Variants in CACNA1C observed in about 807,000 individuals in gnomAD.
The protein encoded by CACNA1C is voltage-dependent L-type calcium channel subunit alpha-1C.
Under a neutral mutation model 229.0 loss-of-function variants are expected in CACNA1C, and 30 were observed. The observed-to-expected ratio is 0.13, with a 90% confidence interval of 0.10 to 0.18. CACNA1C has a LOEUF of 0.18. Ranked by LOEUF, CACNA1C falls within the 10% of genes least tolerant of loss-of-function variation. The probability of loss-of-function intolerance (pLI) is 1.00; values close to 1 mark genes in which losing one functional copy is unlikely to be tolerated. For synonymous variants in CACNA1C, 1,114 were observed against 1,132.5 expected, an observed-to-expected ratio of 0.98 and a Z score of 0.33; for missense variants, 1,658 against 2,845.0, an observed-to-expected ratio of 0.58 and a Z score of 9.49.
At chr12:2,379,605 T>C (rs112086566) in intron 3 of CACNA1C, among the ~76,000 whole-genome samples, 27 of 152,224 alleles carry the variant, frequency 1.8e-4, no homozygotes, top group African/African-American at 6.3e-4. Context: ...CTCATTTTAC[T>C]GGTGAGGAAG....
chr12:2,021,679 TAA>T (rs548606719), intron 1 of CACNA1C, among the ~76,000 whole-genome samples: 1 of 145,064 alleles, frequency 6.9e-6, no homozygotes. Flanking sequence ...AAACTCCATC[TAA>T]AAAAAAAAAG....
At position 2,686,264 on chromosome 12, in the gene CACNA1C, C is replaced by T. The variant is rs750568562; in HGVS notation, c.5779C>T (p.His1927Tyr). ...KTVLPLHLVH[H>Y]QALAVAGLSP... Reference sequence around the variant, plus strand: ...AGTCCTGCCCTTGCATCTGGTTCATCATCAGGTAGCTCACACTTTTGGACA... The same window carrying T: ...AGTCCTGCCCTTGCATCTGGTTCATTATCAGGTAGCTCACACTTTTGGACA... Residue 1927 changes from histidine (H) to tyrosine (Y), a missense_variant, in exon 45 of 47, where the codon CAT (histidine) becomes TAT (tyrosine). By Grantham distance (83) the His-to-Tyr change is moderately conservative (BLOSUM62 2). This residue lies in a region of CACNA1C where 590 missense variants were observed against 700.8 expected (regional missense o/e 0.84). Transcript: ENST00000399655. The T allele has an allele frequency of 2.5e-6, 4 of 1,606,858 alleles. No homozygotes were observed. Among genetic ancestry groups the T allele is most frequent in the Non-Finnish European group, 3.4e-6 (4 of 1,174,716 alleles).
chr12:2,621,173 A>G (rs1009355604), intron 29 of CACNA1C, among the ~76,000 whole-genome samples: 3 of 152,184 alleles, frequency 2.0e-5, no homozygotes, highest in African/African-American at 7.2e-5. Context: ...TACCATCTTT[A>G]TAGGGCTCAC....
chr12:2,231,238 A>G (rs941467590), intron 3 of CACNA1C, among the ~76,000 whole-genome samples: 4 of 152,208 alleles, frequency 2.6e-5, no homozygotes, highest in African/African-American at 9.7e-5. Context: ...ATCCATTTTT[A>G]TATTCACCAT....
At chr12:2,674,272 C>T (rs552915000) in intron 38 of CACNA1C, among the ~76,000 whole-genome samples, 2 of 152,254 alleles carry the variant, frequency 1.3e-5, no homozygotes, top group African/African-American at 4.8e-5. Flanking sequence ...CCCTGGCTGG[C>T]CTGAGCCACA....
intron 3 of CACNA1C, among the ~76,000 whole-genome samples, chr12:2,382,060 C>T (rs1196677980): frequency 1.3e-5 from 2 of 152,202 alleles, no homozygotes; most frequent in African/African-American, 4.8e-5. Flanking sequence ...AACTGGGGTT[C>T]ATGAAGTCTA....
intron 9 of CACNA1C, among the ~76,000 whole-genome samples, chr12:2,533,758 G>T (rs577731848): frequency 1.3e-5 from 2 of 152,268 alleles, no homozygotes; most frequent in African/African-American, 4.8e-5. Flanking sequence ...AAGCAGCAGG[G>T]AGCAGAGGCT....
At position 2,696,348 on chromosome 12, in the gene CACNA1C, G is replaced by A. The variant is rs2097842481; in HGVS notation, c.*5149G>A. ...ATGAGGAAGAAAAGACTAAGACTAG[G>A]TAATTACACAGAGGCTTGAAATGTT... On this transcript the variant is annotated 3_prime_UTR_variant, in exon 47 of 47. Transcript: ENST00000399655. 2 of 152,110 alleles carry A rather than the reference G, an allele frequency of 1.3e-5. No homozygotes were observed. Among genetic ancestry groups the A allele is most frequent in the Non-Finnish European group, 1.5e-5 (1 of 68,022 alleles). The allele number at this position is 152,110 out of a possible 1,614,324, so 9.4% of individuals were successfully genotyped here.
intron 9 of CACNA1C, among the ~76,000 whole-genome samples, chr12:2,528,829 C>T (rs1423258228): frequency 6.6e-6 from 1 of 152,184 alleles, no homozygotes; most frequent in Non-Finnish European, 1.5e-5. Flanking sequence ...CTTCACAGCT[C>T]TTCCTGGGAT....
At chr12:2,391,765 A>T (rs897741104) in intron 3 of CACNA1C, among the ~76,000 whole-genome samples, 1 of 152,234 alleles carries the variant, frequency 6.6e-6, no homozygotes, top group African/African-American at 2.4e-5. Flanking sequence ...CTGAAAGAAC[A>T]CCCACTCTGT....
chr12:2,374,543 G>A (rs1025237740), intron 3 of CACNA1C, among the ~76,000 whole-genome samples: 4 of 152,210 alleles, frequency 2.6e-5, no homozygotes, highest in Non-Finnish European at 5.9e-5. Context: ...CCTCAGGGTG[G>A]GAACTCAGCC....
chr12:2,667,171 A>G (rs1326919561), intron 37 of CACNA1C, among the ~76,000 whole-genome samples: 1 of 148,608 alleles, frequency 6.7e-6, no homozygotes, highest in Admixed American at 6.7e-5. Context: ...TCACTAAAAT[A>G]CAAAGTTTAC....
At chr12:2,404,140 C>T (rs2154551810) in intron 3 of CACNA1C, among the ~76,000 whole-genome samples, 1 of 152,282 alleles carries the variant, frequency 6.6e-6, no homozygotes, top group South Asian at 2.1e-4. Flanking sequence ...GGTTGAGAAT[C>T]ACCGCTAGTC....
At chr12:2,495,220 A>G (rs1418299379) in intron 7 of CACNA1C, among the ~76,000 whole-genome samples, 1 of 152,264 alleles carries the variant, frequency 6.6e-6, no homozygotes, top group African/African-American at 2.4e-5. Flanking sequence ...TTGTTTAGCA[A>G]AGCAGACAAA....
At chr12:2,112,199 T>G (rs1407281486) in intron 1 of CACNA1C, among the ~76,000 whole-genome samples, 1 of 152,222 alleles carries the variant, frequency 6.6e-6, no homozygotes, top group Admixed American at 6.5e-5. Flanking sequence ...ATGTGTTAAA[T>G]GGAGACACGC....
chr12:2,640,446 G>T (rs908092984), intron 30 of CACNA1C, among the ~76,000 whole-genome samples: 2 of 152,206 alleles, frequency 1.3e-5, no homozygotes, highest in Non-Finnish European at 2.9e-5. Flanking sequence ...CACAAAGCCT[G>T]GGATCCCCCT....
intron 5 of CACNA1C, among the ~76,000 whole-genome samples, chr12:2,472,604 A>C (rs7315999): frequency 0.014 from 2,062 of 152,116 alleles, 52 homozygotes; most frequent in African/African-American, 0.046. Context: ...CTCTCTCTAT[A>C]TATATATATC....
chr12:2,337,943 C>T (rs1055498491), intron 3 of CACNA1C, among the ~76,000 whole-genome samples: 1 of 152,172 alleles, frequency 6.6e-6, no homozygotes, highest in African/African-American at 2.4e-5. Flanking sequence ...CCACAGGCAG[C>T]CCCCAGGCAG....
At chr12:2,420,142 TG>T (rs2098962873) in intron 3 of CACNA1C, among the ~76,000 whole-genome samples, 1 of 150,458 alleles carries the variant, frequency 6.6e-6, no homozygotes, top group East Asian at 1.9e-4. Flanking sequence ...TGTGTGTGTG[TG>T]TGTGTAGGGG....
Sources: gnomAD v4.1 joint callset for allele counts (sites outside exome capture counted in the v4.1 genomes callset) on GRCh38, gnomAD v4.1.1 for gene constraint, gnomAD v4.1.1 regional missense constraint, MANE v1.5 for transcripts, NCBI Gene and HGNC (gene_info 2026-07-23, HGNC 2026-07-21) for gene names.